The following DOK5 variants were observed in gnomAD, a reference collection of about 807,000 sequenced individuals.
DOK5 encodes the protein docking protein 5.
DOK5 carries 27 observed loss-of-function variants against 43.3 expected under a neutral mutation model. The ratio of observed to expected loss-of-function variants is 0.62; its 90% CI spans 0.46 to 0.86. The LOEUF (loss-of-function observed/expected upper bound fraction) is 0.86. Among genes scored for constraint, DOK5 ranks in the 40% least tolerant of loss-of-function variants. The probability of loss-of-function intolerance (pLI) is 0.00; values close to 1 mark genes in which losing one functional copy is unlikely to be tolerated. For missense variants in DOK5, 373 were observed against 392.9 expected, an observed-to-expected ratio of 0.95 and a Z score of 0.43; for synonymous variants, 146 against 140.1, an observed-to-expected ratio of 1.04 and a Z score of -0.30.
rs574879601 is a variant in DOK5 at position 54,608,279 on chromosome 20, A to T, written c.600-2109A>T. On this transcript the variant is annotated intron_variant, in intron 5 of 7. Transcript: ENST00000262593. ...TAAGGAAGTAAATAAATATACAGTG[A>T]CCTCTGCCCCAGGGGAAACCAGTGG... 8.2e-3 allele frequency among the ~76,000 whole-genome samples: 1,251 copies of T among 152,304 alleles called. 17 individuals are homozygous for T. The highest frequency in any genetic ancestry group is 0.029 in the African/African-American group (1,195 of 41,554).
At chr20:54,538,810 A>G (rs1485681509) in intron 1 of DOK5, among the ~76,000 whole-genome samples, 2 of 152,238 alleles carry the variant, frequency 1.3e-5, no homozygotes, top group East Asian at 1.9e-4. Flanking sequence ...GAAGCTGAAG[A>G]ACCTAGATGT....
intron 5 of DOK5, among the ~76,000 whole-genome samples, chr20:54,597,880 T>C (rs1986190091): frequency 6.6e-6 from 1 of 152,272 alleles, no homozygotes; most frequent in Non-Finnish European, 1.5e-5. Flanking sequence ...CCATTTTGGA[T>C]GATCTTGTGA....
chr20:54,476,547 G>A (rs1396632962), intron 1 of DOK5, among the ~76,000 whole-genome samples: 1 of 152,094 alleles, frequency 6.6e-6, no homozygotes. Flanking sequence ...AAGGCGGTGC[G>A]GGCTGGCCTC....
At chr20:54,633,659 A>G (rs1298063653) in intron 6 of DOK5, among the ~76,000 whole-genome samples, 1 of 152,224 alleles carries the variant, frequency 6.6e-6, no homozygotes, top group Non-Finnish European at 1.5e-5. Context: ...GAATGAAAGG[A>G]AAATTACAAT....
intron 1 of DOK5, among the ~76,000 whole-genome samples, chr20:54,481,197 T>C (rs1049950131): frequency 6.6e-6 from 1 of 151,906 alleles, no homozygotes; most frequent in African/African-American, 2.4e-5. Context: ...TTTGGCGGAG[T>C]CTTGCTCTTT....
At chr20:54,537,831 CTTTT>C (rs927019328) in intron 1 of DOK5, among the ~76,000 whole-genome samples, 5 of 89,562 alleles carry the variant, frequency 5.6e-5, no homozygotes, top group African/African-American at 2.2e-4. Context: ...TGTACAAGTT[CTTTT>C]TTTTTTTTTT....
At chr20:54,614,036 A>G (rs1451855466) in intron 6 of DOK5, among the ~76,000 whole-genome samples, 3 of 149,242 alleles carry the variant, frequency 2.0e-5, no homozygotes, top group Non-Finnish European at 4.4e-5. Context: ...ATTTATTTAT[A>G]TATATGGTTA....
intron 6 of DOK5, among the ~76,000 whole-genome samples, chr20:54,612,378 G>T (rs1455109868): frequency 6.6e-6 from 1 of 152,170 alleles, no homozygotes; most frequent in Non-Finnish European, 1.5e-5. Context: ...TGAATTAAGG[G>T]ATTCTGATGG....
chr20:54,611,997 A>G (rs1233970216), intron 6 of DOK5, among the ~76,000 whole-genome samples: 1 of 152,252 alleles, frequency 6.6e-6, no homozygotes, highest in East Asian at 1.9e-4. Flanking sequence ...CTGCCCTTGT[A>G]GCACAGCTGC....
chr20:54,636,668 G>C (rs1285468644), intron 6 of DOK5, among the ~76,000 whole-genome samples: 1 of 152,168 alleles, frequency 6.6e-6, no homozygotes, highest in Non-Finnish European at 1.5e-5. Flanking sequence ...TGACCTCTGA[G>C]CCTTCGGTGA....
intron 7 of DOK5, among the ~76,000 whole-genome samples, chr20:54,646,248 G>GTTTTTTGTTTTTTTTTTT (rs1979415549): frequency 1.3e-5 from 1 of 79,922 alleles, no homozygotes; most frequent in African/African-American, 5.3e-5. Context: ...TGGTTATACT[G>GTTTTTTGTTTTTTTTTTT]TTTTTTTTTT....
intron 1 of DOK5, among the ~76,000 whole-genome samples, chr20:54,519,353 AGATATTTAATT>A (rs1458877120): frequency 7.2e-5 from 11 of 152,220 alleles, no homozygotes; most frequent in Non-Finnish European, 1.6e-4. Flanking sequence ...AATAACTATT[AGATATTTAATT>A]GGTATTAGAT....
chr20:54,553,543 T>A (rs1209147047), intron 1 of DOK5, among the ~76,000 whole-genome samples: 1 of 151,512 alleles, frequency 6.6e-6, no homozygotes, highest in East Asian at 2.0e-4. Flanking sequence ...CCTTTAAAGA[T>A]GACCAGTCGA....
At chr20:54,620,872 T>TG (rs1286280911) in intron 6 of DOK5, among the ~76,000 whole-genome samples, 1 of 151,652 alleles carries the variant, frequency 6.6e-6, no homozygotes, top group African/African-American at 2.4e-5. Flanking sequence ...CTGAAGAAGA[T>TG]GAAGTTCCCA....
chr20:54,646,190 C>T (rs1979410732), intron 7 of DOK5, among the ~76,000 whole-genome samples: 1 of 147,638 alleles, frequency 6.8e-6, no homozygotes, highest in Non-Finnish European at 1.5e-5. Flanking sequence ...TTTTAATATA[C>T]TTCTTTAAAA....
intron 7 of DOK5, among the ~76,000 whole-genome samples, chr20:54,644,190 A>G (rs1979259494): frequency 6.6e-6 from 1 of 152,210 alleles, no homozygotes; most frequent in Non-Finnish European, 1.5e-5. Flanking sequence ...CTTTAGGCAA[A>G]TCCTAGTAAG....
chr20:54,504,450 AG>A (rs1048206184), intron 1 of DOK5, among the ~76,000 whole-genome samples: 2 of 152,142 alleles, frequency 1.3e-5, no homozygotes, highest in Non-Finnish European at 2.9e-5. Context: ...TGGAAGTTTT[AG>A]GGGGGGTTTA....
At chr20:54,643,351 C>A in intron 6 of DOK5, 107 bp from the exon 7 acceptor site, 1 of 1,447,270 alleles carries the variant, frequency 6.9e-7, no homozygotes, top group Non-Finnish European at 9.4e-7. Flanking sequence ...TGATTTGCAG[C>A]CTGGCCAGCT....
chr20:54,619,683 C>T (rs556929219), intron 6 of DOK5, among the ~76,000 whole-genome samples: 2 of 152,168 alleles, frequency 1.3e-5, no homozygotes, highest in South Asian at 2.1e-4. Context: ...CTTTGTGTTT[C>T]TTTGTTTAAA....
Sources: allele counts gnomAD v4.1 joint callset (sites outside exome capture counted in the v4.1 genomes callset), GRCh38; gene constraint gnomAD v4.1.1; transcripts MANE v1.5; gene names NCBI Gene and HGNC (gene_info 2026-07-23, HGNC 2026-07-21).